The following ADAMTSL2 variants were observed in gnomAD, a reference collection of about 807,000 sequenced individuals.
ADAMTSL2 encodes ADAMTS-like protein 2.
A neutral mutation model predicts 117.0 loss-of-function variants in ADAMTSL2; 55 were observed. The ratio of observed to expected loss-of-function variants is 0.47; its 90% CI spans 0.38 to 0.59. The LOEUF (loss-of-function observed/expected upper bound fraction) is 0.59, where lower values mean the gene tolerates loss of function less well. Among genes scored for constraint, ADAMTSL2 ranks in the 20% least tolerant of loss-of-function variants. The probability of loss-of-function intolerance (pLI) is 0.00; values close to 1 mark genes in which losing one functional copy is unlikely to be tolerated. For missense variants in ADAMTSL2, 1,182 were observed against 1,354.5 expected, an observed-to-expected ratio of 0.87 and a Z score of 2.00; for synonymous variants, 572 against 566.4, an observed-to-expected ratio of 1.01 and a Z score of -0.14.
chr9:133,555,701 C>T lies in ADAMTSL2; in HGVS notation c.1420C>T (p.Leu474Phe). 1.2e-6 allele frequency: 2 copies of T among 1,613,996 alleles called. No homozygotes were observed. The highest frequency in any genetic ancestry group is 1.1e-5 in the South Asian group (1 of 91,092). Residue 474 changes from leucine (L) to phenylalanine (F), a missense_variant, in exon 11 of 19, where the codon CTC (leucine) becomes TTC (phenylalanine). This residue lies in a region of ADAMTSL2 where 345 missense variants were observed against 325.8 expected (regional missense o/e 1.06). Transcript: ENST00000651351. ...AGGCTCTGACTTGAAGGACTTCACC[C>T]TCAATGAGACTGTGAACAGCATCTT... ...GAGSDLKDFTLNETVNSIFAQ... is the reference protein window; with the variant it reads ...GAGSDLKDFTFNETVNSIFAQ...
intron 12 of ADAMTSL2, among the ~76,000 whole-genome samples, chr9:133,564,625 GGAGA>G (rs377193081): frequency 1.9e-3 from 39 of 20,648 alleles, no homozygotes; most frequent in African/African-American, 3.0e-3. Flanking sequence ...AGAGAGAGAG[GGAGA>G]GAGAGAGAGA....
At chr9:133,573,095 G>A (rs944231919) in intron 17 of ADAMTSL2, among the ~76,000 whole-genome samples, 10 of 152,232 alleles carry the variant, frequency 6.6e-5, no homozygotes, top group Non-Finnish European at 1.3e-4. Context: ...AAACAGAAGT[G>A]GAGAGTGGGT....
In ADAMTSL2 at chr9:133,551,302, C is replaced by A. The variant is rs748245989; in HGVS notation, c.940-3055C>A. Among the ~76,000 whole-genome samples, 5 of 147,404 alleles carry A rather than the reference C, an allele frequency of 3.4e-5. No homozygotes were observed. The Admixed American group carries it at 3.4e-4, about 10-fold the overall frequency. On this transcript the variant is annotated intron_variant, in intron 9 of 18. Coordinates refer to ENST00000651351, the MANE Select transcript of ADAMTSL2 (RefSeq NM_014694.4). ...CTCTCCCTTCATCATAAGGGCCCCC[C>A]CACACACAGCCATAGCTGCGAGCTG...
At chr9:133,545,176 C>G (rs891540895) in intron 8 of ADAMTSL2, among the ~76,000 whole-genome samples, 7 of 151,494 alleles carry the variant, frequency 4.6e-5, no homozygotes. Flanking sequence ...GAGTATTGGC[C>G]GAGCAGCGTG....
In ADAMTSL2 at chr9:133,575,107, G is replaced by A. The variant is rs997175793; in HGVS notation, c.*243G>A. 3.4e-5 allele frequency: 19 copies of A among 554,470 alleles called. No individual in the cohort carries two copies. Among genetic ancestry groups the A allele is most frequent in the Admixed American group, 1.5e-4 (5 of 32,320 alleles). 34.3% of individuals were successfully genotyped at this position (554,470 alleles called of 1,614,324 possible). A position where few individuals can be genotyped will look rare whatever the true frequency, so the allele number is the denominator to read the frequency against. On this transcript the variant is annotated 3_prime_UTR_variant, in exon 19 of 19. Transcript: ENST00000651351. ...CCACCCCTGCCGTGGGAACCTGTCC[G>A]TGTTCCTGCGTGGATCCTGTGTTTG...
At chr9:133,573,367 C>T (rs1458399918) in intron 17 of ADAMTSL2, among the ~76,000 whole-genome samples, 2 of 152,172 alleles carry the variant, frequency 1.3e-5, no homozygotes, top group African/African-American at 2.4e-5. Context: ...TGCATTTGAT[C>T]GGCCCACAAC....
chr9:133,536,172 C>G (rs1830045931), intron 1 of ADAMTSL2, among the ~76,000 whole-genome samples: 1 of 152,242 alleles, frequency 6.6e-6, no homozygotes, highest in Non-Finnish European at 1.5e-5. Context: ...CTGGCCAAGC[C>G]CATCCCCATG....
In ADAMTSL2 at chr9:133,539,830, C is replaced by T. The variant is rs747161134; in HGVS notation, c.369C>T (p.His123=). The change falls in exon 5 of 19, where the codon CAC becomes CAT. Residue 123 remains histidine (H), a synonymous_variant. Coordinates refer to ENST00000651351, the MANE Select transcript of ADAMTSL2 (RefSeq NM_014694.4). ...REEQCVSFNS[H]VYNGRTHQWK... ...AGCAGTGCGTCTCCTTCAACTCCCA[C>T]GTGTACAACGGGCGGACGCACCAGT... 1.7e-5 allele frequency: 26 copies of T among 1,550,988 alleles called. No homozygotes were observed. The highest frequency in any genetic ancestry group is 3.6e-5 in the South Asian group (3 of 84,072).
chr9:133,539,787 G>GGAGGAGCTTCCGC lies in ADAMTSL2; in HGVS notation c.334_346dup (p.Gln116LeufsTer28). 6.6e-7 allele frequency: 1 copy of GGAGGAGCTTCCGC among 1,511,174 alleles called. No individual in the cohort carries two copies. The highest frequency in any genetic ancestry group is 8.9e-7 in the Non-Finnish European group (1 of 1,128,984). The allele number at this position is 1,511,174 out of a possible 1,614,324, so 93.6% of individuals were successfully genotyped here. ...GCTTCCCAGGAGTGTCCGCCGGACG[G>GGAGGAGCTTCCGC]GAGGAGCTTCCGCGAGGAGCAGTGC... On this transcript the variant is annotated frameshift_variant, in exon 5 of 19. Coordinates refer to ENST00000651351, the MANE Select transcript of ADAMTSL2 (RefSeq NM_014694.4). LOFTEE classifies it high-confidence loss of function.
chr9:133,539,843 C>T lies in ADAMTSL2; in HGVS notation c.382C>T (p.Arg128Trp), dbSNP rs370062294. 47 of 1,550,884 alleles carry T rather than the reference C, an allele frequency of 3.0e-5. No homozygotes were observed. In the Admixed American group the frequency reaches 4.7e-4, roughly 16 times the overall value. The part of the protein sequence containing the change: ...VSFNSHVYNG[R>W]THQWKPLYPD... ...CTTCAACTCCCACGTGTACAACGGG[C>T]GGACGCACCAGTGGAAGCCTCTGTA... The change falls in exon 5 of 19, where the codon CGG (arginine) becomes TGG (tryptophan). Residue 128 changes from arginine (R) to tryptophan (W), a missense_variant. Physicochemically the swap from Arg to Trp is moderately radical, Grantham distance 101 (BLOSUM62 -3). Coordinates refer to ENST00000651351, the MANE Select transcript of ADAMTSL2 (RefSeq NM_014694.4).
chr9:133,541,098 G>T, intron 7 of ADAMTSL2, 97 bp downstream of exon 7: 1 of 1,525,436 alleles, frequency 6.6e-7, no homozygotes, highest in Non-Finnish European at 8.9e-7. Flanking sequence ...GTACCACTGG[G>T]CAAGTTCTTC....
Position 133,570,417 on chromosome 9 carries a change from C to A in ADAMTSL2, c.2502C>A (p.Gly834=), listed in dbSNP as rs1831078198. The A allele has an allele frequency of 3.8e-6, 6 of 1,598,332 alleles. No individual in the cohort carries two copies. Among genetic ancestry groups the A allele is most frequent in the African/African-American group, 2.7e-5 (2 of 74,464 alleles). The change falls in exon 17 of 19, where the codon GGC becomes GGA. Residue 834 remains glycine, a synonymous_variant. Coordinates refer to ENST00000651351, the MANE Select transcript of ADAMTSL2 (RefSeq NM_014694.4). The part of the protein sequence containing the change: ...LANGKPQTRS[G]PECGLAKKPP... ...ACGGGAAGCCGCAGACGCGCAGTGG[C>A]CCCGAGTGCGGGCTCGCCAAGAAGC...
intron 16 of ADAMTSL2, 24 bp from the exon 17 acceptor site, chr9:133,570,307 C>CCGCT (rs1163716161): frequency 2.2e-5 from 34 of 1,538,250 alleles, no homozygotes; most frequent in Non-Finnish European, 2.9e-5. Context: ...TGGCGCTGAC[C>CCGCT]CGCTCCCTCT....
At chr9:133,562,539 C>T (rs867253021) in intron 12 of ADAMTSL2, among the ~76,000 whole-genome samples, 2 of 55,042 alleles carry the variant, frequency 3.6e-5, no homozygotes, top group African/African-American at 9.3e-5. Flanking sequence ...CGGCTGGGCC[C>T]GGCTCGCACC....
intron 4 of ADAMTSL2, 110 bp from the exon 5 acceptor site, chr9:133,539,661 C>CCCGGCTGTCCCGGCTGTCCCGGCTGTG: frequency 9.3e-7 from 1 of 1,076,948 alleles, no homozygotes. Context: ...GCACGGCTGT[C>CCCGGCTGTCCCGGCTGTCCCGGCTGTG]CCGGCTGTCC....
intron 12 of ADAMTSL2, among the ~76,000 whole-genome samples, chr9:133,562,930 CGGCT>C (rs1830778790): frequency 2.1e-5 from 2 of 96,488 alleles, no homozygotes; most frequent in Non-Finnish European, 4.5e-5. Flanking sequence ...TGGTGGGCAC[CGGCT>C]TGGCCAGGCT....
intron 4 of ADAMTSL2, among the ~76,000 whole-genome samples, chr9:133,539,075 G>T (rs1830127012): frequency 6.6e-6 from 1 of 152,196 alleles, no homozygotes; most frequent in Non-Finnish European, 1.5e-5. Context: ...GGGTCTCTGT[G>T]TCTGTGTGTC....
chr9:133,570,105 C>T (rs1175268367), intron 16 of ADAMTSL2, among the ~76,000 whole-genome samples: 1 of 152,232 alleles, frequency 6.6e-6, no homozygotes, highest in Non-Finnish European at 1.5e-5. Context: ...TTGTCATTAG[C>T]CAATTTGTTT....
intron 4 of ADAMTSL2, 85 bp from the exon 5 acceptor site, chr9:133,539,686 G>GTCCCGGCTGTCCCGGCTT: frequency 2.3e-6 from 3 of 1,305,778 alleles, no homozygotes; most frequent in Non-Finnish European, 3.2e-6. Context: ...TGTCCCGGCT[G>GTCCCGGCTGTCCCGGCTT]CAGCCACTTC....
Sources: gnomAD v4.1 joint callset for allele counts (sites outside exome capture counted in the v4.1 genomes callset) on GRCh38, gnomAD v4.1.1 for gene constraint, gnomAD v4.1.1 regional missense constraint, MANE v1.5 for transcripts, NCBI Gene and HGNC (gene_info 2026-07-23, HGNC 2026-07-21) for gene names.